KIR2DL3: variants seen among roughly 807,000 people sequenced by gnomAD.
The protein encoded by KIR2DL3 is killer cell immunoglobulin-like receptor 2DL3.
A neutral mutation model predicts 33.8 loss-of-function variants in KIR2DL3; 39 were observed. That is an observed-to-expected ratio of 1.15 (90% CI 0.89 to 1.51). The LOEUF is 1.51. Ranked by LOEUF, KIR2DL3 falls within the 40% of genes most tolerant of loss-of-function variation. The probability of loss-of-function intolerance (pLI) is 0.00; values close to 1 mark genes in which losing one functional copy is unlikely to be tolerated. For synonymous variants in KIR2DL3, 174 were observed against 160.2 expected, an observed-to-expected ratio of 1.09 and a Z score of -0.65; for missense variants, 462 against 426.2, an observed-to-expected ratio of 1.08 and a Z score of -0.74.
At chr19:54,744,739 C>G (rs1284223426) in intron 4 of KIR2DL3, among the ~76,000 whole-genome samples, 1 of 150,428 alleles carries the variant, frequency 6.6e-6, no homozygotes, top group African/African-American at 2.4e-5. Context: ...GTTGGTCGAG[C>G]TGGTCTCCAA....
intron 4 of KIR2DL3, among the ~76,000 whole-genome samples, chr19:54,745,063 G>A (rs1428704917): frequency 3.4e-5 from 5 of 148,850 alleles, no homozygotes; most frequent in Non-Finnish European, 7.4e-5. Flanking sequence ...TCTGTATATG[G>A]GTGAGAAATG....
intron 4 of KIR2DL3, among the ~76,000 whole-genome samples, chr19:54,744,977 T>TA (rs60093695): frequency 1.1e-5 from 1 of 93,058 alleles, no homozygotes; most frequent in South Asian, 3.8e-4. Flanking sequence ...TTTTTTTTTT[T>TA]ACCCTCCACC....
At position 54,744,081 on chromosome 19, in the gene KIR2DL3, T is replaced by C. The variant is rs1414093934; in HGVS notation, c.657T>C (p.Ser219=). 3 of 1,614,220 alleles carry C rather than the reference T, an allele frequency of 1.9e-6. No individual in the cohort carries two copies. The highest frequency in any genetic ancestry group is 1.1e-5 in the South Asian group (1 of 91,086). ...ACTCGAGTGACCCACTGCTTGTTTCTGTCACAGGTGAGGAAACCCCATATC... is the reference window on the plus strand; with the variant it reads ...ACTCGAGTGACCCACTGCTTGTTTCCGTCACAGGTGAGGAAACCCCATATC... ...WSNSSDPLLV[S]VTGNPSNSWP... Residue 219 remains serine (S), a synonymous_variant, in exon 4 of 8, where the codon TCT becomes TCC. Transcript: ENST00000342376.
At chr19:54,744,599 TC>T (rs2071920774) in intron 4 of KIR2DL3, among the ~76,000 whole-genome samples, 1 of 151,340 alleles carries the variant, frequency 6.6e-6, no homozygotes. Context: ...CAATCTCAGC[TC>T]ACTGCAACTT....
At chr19:54,740,163 T>A (rs1206440621) in intron 2 of KIR2DL3, among the ~76,000 whole-genome samples, 3 of 152,040 alleles carry the variant, frequency 2.0e-5, no homozygotes, top group Admixed American at 2.0e-4. Flanking sequence ...CACCAAGGTG[T>A]GATAGTAGCC....
rs1446370156 is a variant in KIR2DL3, at chr19:54,744,194, G to A, written c.664+106G>A. ...GCATGGACAGATGCAGAGAGAAGAC[G>A]AAGCTTGGGTGTGAGGGAGGGATCA... On this transcript the variant is annotated intron_variant, in intron 4 of 7. Transcript: ENST00000342376. 1.4e-5 allele frequency: 21 copies of A among 1,530,502 alleles called. No homozygotes were observed. In the South Asian group the frequency reaches 1.5e-4, roughly 11 times the overall value. The allele number at this position is 1,530,502 out of a possible 1,614,324, so 94.8% of individuals were successfully genotyped here. A position where few individuals can be genotyped will look rare whatever the true frequency, so the allele number is the denominator to read the frequency against.
intron 2 of KIR2DL3, among the ~76,000 whole-genome samples, chr19:54,741,108 TG>T (rs1255735257): frequency 1.3e-5 from 2 of 151,478 alleles, no homozygotes; most frequent in African/African-American, 4.9e-5. Flanking sequence ...CCTGCTGCCA[TG>T]CTTCTGATAA....
intron 4 of KIR2DL3, among the ~76,000 whole-genome samples, chr19:54,744,919 A>ATATATATAT (rs1568969043): frequency 2.7e-4 from 11 of 41,014 alleles, no homozygotes; most frequent in Non-Finnish European, 5.9e-4. Flanking sequence ...CACATATATA[A>ATATATATAT]ACATATATAT....
At position 54,745,938 on chromosome 19, in the gene KIR2DL3, G is replaced by A. The variant is rs1371750136; in HGVS notation, c.665-1397G>A. Among the ~76,000 whole-genome samples the A allele has an allele frequency of 8.6e-5, 12 of 139,360 alleles. 1 individual carries two copies. Among genetic ancestry groups the A allele is most frequent in the Non-Finnish European group, 1.7e-4 (11 of 62,978 alleles). 91.4% of individuals were successfully genotyped at this position (139,360 alleles called of 152,430 possible). ...AGCGATTCTCCTGCCTCAGCCTCCCGAGTAGCTGGAATTACAGGCACACGC... is the reference window on the plus strand; with the variant it reads ...AGCGATTCTCCTGCCTCAGCCTCCCAAGTAGCTGGAATTACAGGCACACGC... On this transcript the variant is annotated intron_variant, in intron 4 of 7. Coordinates refer to ENST00000342376, the MANE Select transcript of KIR2DL3 (RefSeq NM_015868.3).
At chr19:54,746,830 A>T (rs1555910604) in intron 4 of KIR2DL3, among the ~76,000 whole-genome samples, 19,422 of 116,836 alleles carry the variant, frequency 0.17, 645 homozygotes, top group African/African-American at 0.21. Context: ...TAAAAATATA[A>T]AAATTAGCTG....
intron 5 of KIR2DL3, among the ~76,000 whole-genome samples, chr19:54,749,179 C>G (rs940382735): frequency 1.3e-5 from 2 of 150,070 alleles, no homozygotes; most frequent in Non-Finnish European, 3.0e-5. Context: ...TGTAGAGAGA[C>G]GGAGAGCACA....
chr19:54,744,936 ATATATATATATATATATATTTTTTTTT>A (rs2072133232), intron 4 of KIR2DL3, among the ~76,000 whole-genome samples: 4 of 23,802 alleles, frequency 1.7e-4, no homozygotes, highest in Admixed American at 6.4e-4. Flanking sequence ...ATATATATAT[ATATATATATATATATATATTTTTTTTT>A]TTTTTTTTTT....
At chr19:54,745,887 A>C (rs1451769829) in intron 4 of KIR2DL3, among the ~76,000 whole-genome samples, 4 of 143,708 alleles carry the variant, frequency 2.8e-5, no homozygotes, top group African/African-American at 1.0e-4. Flanking sequence ...ATCTCGGCTC[A>C]CCACAACCTC....
chr19:54,745,566 G>T (rs2072343842), intron 4 of KIR2DL3, among the ~76,000 whole-genome samples: 1 of 150,942 alleles, frequency 6.6e-6, no homozygotes, highest in African/African-American at 2.4e-5. Context: ...GTTTCCCCAT[G>T]TTGGCTGGGC....
At chr19:54,740,498 A>G (rs1259873821) in intron 2 of KIR2DL3, among the ~76,000 whole-genome samples, 11 of 147,768 alleles carry the variant, frequency 7.4e-5, no homozygotes, top group Non-Finnish European at 1.0e-4. Flanking sequence ...TCACACACAC[A>G]CTCCCCCAGT....
At position 54,752,666 on chromosome 19, in the gene KIR2DL3, T is replaced by C; in HGVS notation, c.*147T>C. The C allele has an allele frequency of 1.8e-6, 2 of 1,124,390 alleles. 1 individual carries two copies. Among genetic ancestry groups the C allele is most frequent in the Non-Finnish European group, 2.6e-6 (2 of 776,778 alleles). The allele number at this position is 1,124,390 out of a possible 1,614,324, so 69.7% of individuals were successfully genotyped here. A position where few individuals can be genotyped will look rare whatever the true frequency, so the allele number is the denominator to read the frequency against. ...AGGCGTGAGTCTGCATCTTAGGGCA[T>C]CGCTCTTCCTCACACCACAAATCTG... On this transcript the variant is annotated 3_prime_UTR_variant, in exon 8 of 8. Transcript: ENST00000342376.
rs1429439406 is a variant in KIR2DL3, at chr19:54,744,059, C to G, written c.635C>G (p.Ser212Trp). The G allele has an allele frequency of 2.5e-6, 4 of 1,614,224 alleles. No individual in the cohort carries two copies. The Admixed American group carries it at 5.0e-5, about 20-fold the overall frequency. Residue 212 changes from serine to tryptophan, a missense_variant, in exon 4 of 8, where the codon TCG (serine) becomes TGG (tryptophan). Ser to Trp is a radical substitution (Grantham distance 177). Transcript: ENST00000342376. ...FRDSPYEWSN[S>W]SDPLLVSVTG... The stretch of plus-strand genomic sequence containing the variant: ...GACTCTCCATACGAGTGGTCAAACT[C>G]GAGTGACCCACTGCTTGTTTCTGTC...
chr19:54,747,551 G>A (rs2072746218), intron 5 of KIR2DL3, among the ~76,000 whole-genome samples, 166 bp downstream of exon 5: 1 of 152,146 alleles, frequency 6.6e-6, no homozygotes. Flanking sequence ...GCCCAACCTA[G>A]GGCTCAGTGA....
chr19:54,739,341 C>G (rs1157401553), intron 1 of KIR2DL3, among the ~76,000 whole-genome samples, 166 bp from the exon 2 acceptor site: 1 of 151,790 alleles, frequency 6.6e-6, no homozygotes, highest in Non-Finnish European at 1.5e-5. Context: ...GAAACTGGGT[C>G]TCTGCACAGC....
Sources: gnomAD v4.1 joint callset for allele counts (sites outside exome capture counted in the v4.1 genomes callset) on GRCh38, gnomAD v4.1.1 for gene constraint, MANE v1.5 for transcripts, NCBI Gene and HGNC (gene_info 2026-07-23, HGNC 2026-07-21) for gene names.